DACH2: variants seen among roughly 807,000 people sequenced by gnomAD.
The protein encoded by DACH2 is dachshund family transcription factor 2, also known as dachshund homolog 2.
In DACH2, 17 loss-of-function variants were observed where a neutral mutation model predicts 35.8. That is an observed-to-expected ratio of 0.48 (90% CI 0.33 to 0.71). The LOEUF is 0.71. Among genes scored for constraint, DACH2 ranks in the 30% least tolerant of loss-of-function variants. The pLI is 0.02. For synonymous variants in DACH2, 195 were observed against 177.3 expected (o/e 1.10, Z -0.79); for missense variants, 469 against 472.7 (o/e 0.99, Z 0.07).
chrX:86,347,144 A>T (rs1029055455), intron 1 of DACH2, among the ~76,000 whole-genome samples: 2 of 112,099 alleles, frequency 1.8e-5, no homozygotes, highest in Non-Finnish European at 3.8e-5. Context: ...TAATTTTTTT[A>T]TTCAAGAAAT....
intron 1 of DACH2, among the ~76,000 whole-genome samples, chrX:86,154,117 T>G (rs2030462448): frequency 9.0e-6 from 1 of 111,571 alleles, no homozygotes; most frequent in Non-Finnish European, 1.9e-5. Context: ...TTTGTCTTAA[T>G]GAAATTCATA....
chrX:86,714,435 G>A (rs1380481416), intron 5 of DACH2, 113 bp from the exon 6 acceptor site: 3 of 571,029 alleles, frequency 5.3e-6, no homozygotes, highest in South Asian at 9.5e-5. Flanking sequence ...GAGACACTAA[G>A]ATATAATAAA....
intron 5 of DACH2, among the ~76,000 whole-genome samples, chrX:86,702,515 T>C (rs1245145108): frequency 9.0e-6 from 1 of 111,307 alleles, no homozygotes; most frequent in East Asian, 2.8e-4. Flanking sequence ...AAACAAAATC[T>C]ATAGAACATT....
intron 7 of DACH2, among the ~76,000 whole-genome samples, chrX:86,771,742 T>C: frequency 8.9e-6 from 1 of 111,951 alleles, no homozygotes; most frequent in Middle Eastern, 4.6e-3. Flanking sequence ...AATAAGCGTG[T>C]ACCCTGCTAG....
chrX:86,629,999 A>G (rs2040182432), intron 3 of DACH2, among the ~76,000 whole-genome samples: 1 of 112,200 alleles, frequency 8.9e-6, no homozygotes, highest in Non-Finnish European at 1.9e-5. Flanking sequence ...ATATCAATAT[A>G]CAGCTTAAAT....
chrX:86,734,701 T>C (rs992852140), intron 6 of DACH2, among the ~76,000 whole-genome samples: 4 of 111,382 alleles, frequency 3.6e-5, no homozygotes, highest in African/African-American at 1.3e-4. Context: ...ATGCTTCCAA[T>C]AGTATTTAGA....
chrX:86,397,186 CTGTT>C lies in DACH2; in HGVS notation c.527+20328_527+20331del, dbSNP rs778550184. ...GGGAGTTCACTCATGATTTGGCTCT[CTGTT>C]TGTCTGTTTTTGGTGTATAAAAATG... On this transcript the variant is annotated intron_variant, in intron 2 of 11. Coordinates refer to ENST00000373125, the MANE Select transcript of DACH2 (RefSeq NM_053281.3). Among the ~76,000 whole-genome samples the C allele has an allele frequency of 3.2e-4, 35 of 110,899 alleles. No homozygotes were observed. The East Asian group carries it at 8.0e-3, about 25-fold the overall frequency.
At position 86,286,385 on chromosome X, in the gene DACH2, C is replaced by A. The variant is rs187295716; in HGVS notation, c.489-90439C>A. ...GACCTCATGATCCACCCGCCTCAGCCTCCCAAAGTGCTGGGATTACAGGAG... is the reference window on the plus strand; with the variant it reads ...GACCTCATGATCCACCCGCCTCAGCATCCCAAAGTGCTGGGATTACAGGAG... On this transcript the variant is annotated intron_variant, in intron 1 of 11. Transcript: ENST00000373125. Among the ~76,000 whole-genome samples, 883 of 110,849 alleles carry A rather than the reference C, an allele frequency of 8.0e-3. 10 individuals are homozygous for A. Among genetic ancestry groups the A allele is most frequent in the African/African-American group, 0.027 (836 of 30,476 alleles).
At chrX:86,687,206 C>A (rs765444220) in intron 4 of DACH2, among the ~76,000 whole-genome samples, 2 of 111,141 alleles carry the variant, frequency 1.8e-5, no homozygotes, top group Non-Finnish European at 3.8e-5. Flanking sequence ...AGTATAGAGT[C>A]ATTTGTTTGA....
intron 2 of DACH2, among the ~76,000 whole-genome samples, chrX:86,388,602 C>A (rs1018627651): frequency 9.0e-6 from 1 of 111,564 alleles, no homozygotes. Flanking sequence ...TATTTGAAGT[C>A]CAGGAAGAAC....
intron 2 of DACH2, among the ~76,000 whole-genome samples, chrX:86,502,144 A>G (rs1442312137): frequency 1.8e-5 from 2 of 111,187 alleles, no homozygotes; most frequent in African/African-American, 6.6e-5. Context: ...ACTAACAGTA[A>G]ACTTAAGAGT....
At chrX:86,750,554 A>G (rs1460607163) in intron 7 of DACH2, among the ~76,000 whole-genome samples, 1 of 111,957 alleles carries the variant, frequency 8.9e-6, no homozygotes, top group Admixed American at 9.5e-5. Context: ...TTCATTTTGC[A>G]TAACTGAAAC....
intron 2 of DACH2, among the ~76,000 whole-genome samples, chrX:86,430,435 C>T (rs1055658118): frequency 1.8e-5 from 2 of 112,390 alleles, no homozygotes; most frequent in Non-Finnish European, 3.8e-5. Context: ...ATTAACTTAG[C>T]TGATTAATTA....
Position 86,148,566 on chromosome X carries a change from G to T in DACH2, c.-55G>T. The T allele has an allele frequency of 1.2e-5, 13 of 1,112,193 alleles. No individual in the cohort carries two copies. The highest frequency in any genetic ancestry group is 1.4e-5 in the Non-Finnish European group (12 of 843,817). The allele number at this position is 1,112,193 out of a possible 1,213,427, so 91.7% of individuals were successfully genotyped here. On this transcript the variant is annotated 5_prime_UTR_variant, in exon 1 of 12. It adds an upstream start codon to the 5' untranslated region. Transcript: ENST00000373125. The stretch of plus-strand genomic sequence containing the variant: ...GGGAGTGAGTGCGAGGGGATCTAGA[G>T]GAGTCAGGGCGAGAAAGCGAGGGCC...
chrX:86,270,278 CA>C (rs2033792720), intron 1 of DACH2, among the ~76,000 whole-genome samples: 1 of 110,103 alleles, frequency 9.1e-6, no homozygotes, highest in South Asian at 3.8e-4. Flanking sequence ...TAGACTTTGA[CA>C]CAAAATATGG....
Position 86,832,257 on chromosome X carries a change from C to A in DACH2, c.*102C>A, listed in dbSNP as rs1169640395. ...ATTTCAGTTTTGTTTATCAGCAAAG[C>A]TTTGTTTACTGAAGGAGCTATTTAA... On this transcript the variant is annotated 3_prime_UTR_variant, in exon 12 of 12. Coordinates refer to ENST00000373125, the MANE Select transcript of DACH2 (RefSeq NM_053281.3). 6 of 641,117 alleles carry A rather than the reference C, an allele frequency of 9.4e-6. No individual in the cohort carries two copies. 52.8% of individuals were successfully genotyped at this position (641,117 alleles called of 1,213,427 possible).
intron 6 of DACH2, among the ~76,000 whole-genome samples, chrX:86,720,474 T>C (rs1490956025): frequency 8.9e-6 from 1 of 111,780 alleles, no homozygotes; most frequent in Non-Finnish European, 1.9e-5. Context: ...CGCAATCCAA[T>C]AGGGCAATCA....
intron 3 of DACH2, among the ~76,000 whole-genome samples, chrX:86,563,144 G>A (rs912485045): frequency 1.1e-5 from 1 of 95,128 alleles, no homozygotes; most frequent in African/African-American, 4.3e-5. Flanking sequence ...TTTTTTTCCT[G>A]AAATAGACAA....
At position 86,300,007 on chromosome X, in the gene DACH2, A is replaced by T. The variant is rs151259001; in HGVS notation, c.489-76817A>T. 3.5e-3 allele frequency among the ~76,000 whole-genome samples: 390 copies of T among 111,823 alleles called. 3 individuals carry two copies. Among genetic ancestry groups the T allele is most frequent in the African/African-American group, 0.012 (376 of 30,814 alleles). On this transcript the variant is annotated intron_variant, in intron 1 of 11. Coordinates refer to ENST00000373125, the MANE Select transcript of DACH2 (RefSeq NM_053281.3). ...ATGGTCAACTAGATGGGTATCCAAC[A>T]TGTTGAGTGTTTAGCATTTCTATGT...
Sources: allele counts gnomAD v4.1 joint callset (sites outside exome capture counted in the v4.1 genomes callset), GRCh38; gene constraint gnomAD v4.1.1; transcripts MANE v1.5; gene names NCBI Gene and HGNC (gene_info 2026-07-23, HGNC 2026-07-21).